The following SLC35D2 variants were observed in gnomAD, a reference collection of about 807,000 sequenced individuals.
SLC35D2 encodes the protein solute carrier family 35 member D2.
In SLC35D2, 43 loss-of-function variants were observed where a neutral mutation model predicts 41.8. The ratio of observed to expected loss-of-function variants is 1.03; its 90% CI spans 0.81 to 1.33. The LOEUF is 1.33. Ranked by LOEUF, SLC35D2 falls within the 40% of genes most tolerant of loss-of-function variation. SLC35D2 has a pLI of 0.00. For missense variants in SLC35D2, 380 were observed against 408.4 expected, an observed-to-expected ratio of 0.93 and a Z score of 0.60; for synonymous variants, 150 against 163.9, an observed-to-expected ratio of 0.92 and a Z score of 0.65.
intron 1 of SLC35D2, among the ~76,000 whole-genome samples, chr9:96,376,812 G>A (rs958786821): frequency 6.6e-6 from 1 of 151,430 alleles, no homozygotes; most frequent in African/African-American, 2.4e-5. Context: ...CACCATGTTG[G>A]CTGACCAGGA....
intron 8 of SLC35D2, among the ~76,000 whole-genome samples, chr9:96,340,845 G>A (rs1408266961): frequency 3.9e-5 from 6 of 152,142 alleles, no homozygotes; most frequent in East Asian, 1.9e-4. Flanking sequence ...CGGCTCGAAG[G>A]TACTTACAGA....
rs1399817879 is a variant in SLC35D2 at position 96,321,338 on chromosome 9, C to T, written c.918G>A (p.Met306Ile). ...AAAAGGAATATCTCAAGCCCCCTGC[C>T]ATGCTGAAAGGAGAAAAAAAAGTGA... ...LLNFVGLNIC[M>I]AGGLRYSFLT... The change falls in exon 12 of 12, where the codon ATG becomes ATA. Residue 306 changes from methionine (M) to isoleucine (I), a missense_variant. By Grantham distance (10) the Met-to-Ile change is conservative. Transcript: ENST00000253270. 9.9e-6 allele frequency: 16 copies of T among 1,612,158 alleles called. No homozygotes were observed. Among genetic ancestry groups the T allele is most frequent in the Non-Finnish European group, 1.3e-5 (15 of 1,178,808 alleles).
chr9:96,366,011 AC>A (rs1830458325), intron 2 of SLC35D2, among the ~76,000 whole-genome samples: 1 of 152,230 alleles, frequency 6.6e-6, no homozygotes, highest in Non-Finnish European at 1.5e-5. Context: ...TTAAAGAAAT[AC>A]AATAACATTG....
intron 1 of SLC35D2, among the ~76,000 whole-genome samples, chr9:96,380,666 G>A (rs1020432611): frequency 1.1e-4 from 16 of 151,692 alleles, no homozygotes; most frequent in African/African-American, 3.1e-4. Context: ...GTAGAGACAG[G>A]GTTTCACCAT....
chr9:96,354,588 G>A (rs1357021284), intron 4 of SLC35D2, among the ~76,000 whole-genome samples: 5 of 151,972 alleles, frequency 3.3e-5, no homozygotes, highest in Non-Finnish European at 7.4e-5. Context: ...CCAACATGGT[G>A]AAACCCCACT....
At chr9:96,326,531 T>A (rs1828535693) in intron 9 of SLC35D2, among the ~76,000 whole-genome samples, 1 of 152,134 alleles carries the variant, frequency 6.6e-6, no homozygotes. Flanking sequence ...CGGCCAGGTG[T>A]GGTGGCTCAC....
intron 8 of SLC35D2, among the ~76,000 whole-genome samples, chr9:96,337,211 C>CT (rs916927392): frequency 4.0e-5 from 6 of 151,840 alleles, no homozygotes; most frequent in Non-Finnish European, 5.9e-5. Flanking sequence ...TTAATTATCT[C>CT]TTTTTTTTCT....
chr9:96,347,672 G>A (rs779983851), intron 6 of SLC35D2, among the ~76,000 whole-genome samples: 3 of 152,074 alleles, frequency 2.0e-5, no homozygotes, highest in South Asian at 4.1e-4. Flanking sequence ...GTGTGAACCC[G>A]AGCAACTCCA....
chr9:96,361,526 A>AT (rs1000564632), intron 3 of SLC35D2, among the ~76,000 whole-genome samples: 3 of 152,094 alleles, frequency 2.0e-5, no homozygotes, highest in African/African-American at 7.2e-5. Context: ...CTCTACAAAA[A>AT]TTTTTTAAAT....
Position 96,351,123 on chromosome 9 carries a change from G to A in SLC35D2, c.468C>T (p.Leu156=), listed in dbSNP as rs143961970. Residue 156 remains leucine, a synonymous_variant, in exon 6 of 12, where the codon CTC becomes CTT. Transcript: ENST00000253270. ...NIILSVFAII[L]GAFIAAGSDL... ...CTTACCCAGCTGCTATGAAAGCCCCGAGAATAATGGCAAAGACACTGAGGA... is the reference window on the plus strand; with the variant it reads ...CTTACCCAGCTGCTATGAAAGCCCCAAGAATAATGGCAAAGACACTGAGGA... 7.6e-5 allele frequency: 123 copies of A among 1,612,508 alleles called. 1 individual carries two copies. The highest frequency in any genetic ancestry group is 2.2e-4 in the East Asian group (10 of 44,864).
intron 9 of SLC35D2, among the ~76,000 whole-genome samples, chr9:96,328,231 C>A (rs1056102049): frequency 8.5e-6 from 1 of 117,242 alleles, no homozygotes; most frequent in Non-Finnish European, 1.7e-5. Context: ...TTCTTAGTAA[C>A]CTTTTTTACC....
In SLC35D2 at chr9:96,383,578, C is replaced by T. The variant is rs758609002; in HGVS notation, c.57G>A (p.Ala19=). Residue 19 remains alanine (A), a synonymous_variant, in exon 1 of 12, where the codon GCG becomes GCA. Transcript: ENST00000253270. ...AEGAGGEPGA[A]RLPSRVARLL... ...GCCGGGCCACCCGCGAGGGCAGCCG[C>T]GCCGCGCCGGGCTCCCCGCCAGCGC... The T allele has an allele frequency of 1.4e-6, 2 of 1,469,516 alleles. No homozygotes were observed. The highest frequency in any genetic ancestry group is 1.3e-5 in the South Asian group (1 of 77,732). 91.0% of individuals were successfully genotyped at this position (1,469,516 alleles called of 1,614,324 possible).
intron 9 of SLC35D2, among the ~76,000 whole-genome samples, chr9:96,329,855 A>G (rs1329517152): frequency 6.6e-6 from 1 of 152,260 alleles, no homozygotes; most frequent in East Asian, 1.9e-4. Context: ...AGCGTTCCCC[A>G]GAGGAACGGA....
intron 6 of SLC35D2, among the ~76,000 whole-genome samples, chr9:96,349,847 C>G (rs141402895): frequency 8.5e-5 from 13 of 152,146 alleles, no homozygotes; most frequent in African/African-American, 2.7e-4. Flanking sequence ...TTTTAATGAA[C>G]CTTCAGAGAG....
chr9:96,376,453 A>C (rs990928326), intron 1 of SLC35D2, among the ~76,000 whole-genome samples: 3 of 150,346 alleles, frequency 2.0e-5, no homozygotes, highest in African/African-American at 7.3e-5. Context: ...AAAAAAATAT[A>C]TAAAAATTAG....
intron 7 of SLC35D2, among the ~76,000 whole-genome samples, chr9:96,344,277 T>G (rs1045401720): frequency 2.0e-5 from 3 of 151,028 alleles, no homozygotes; most frequent in African/African-American, 7.3e-5. Flanking sequence ...TTATGTGGGG[T>G]TTTTTTTAAA....
At chr9:96,318,180 C>T (rs10120552), downstream of SLC35D2, among the ~76,000 whole-genome samples, 16,137 of 152,116 alleles carry the variant, frequency 0.11, 1,322 homozygotes, top group African/African-American at 0.22. Flanking sequence ...ACATTGAAGG[C>T]TGGGCACAGT....
intron 6 of SLC35D2, among the ~76,000 whole-genome samples, chr9:96,349,850 T>G (rs902276532): frequency 6.6e-6 from 1 of 152,120 alleles, no homozygotes; most frequent in Admixed American, 6.6e-5. Context: ...TAATGAACCT[T>G]CAGAGAGTAG....
chr9:96,318,818 TA>T (rs1828118613), downstream of SLC35D2, among the ~76,000 whole-genome samples: 1 of 152,116 alleles, frequency 6.6e-6, no homozygotes, highest in South Asian at 2.1e-4. Context: ...AAAAATAAAT[TA>T]TTTTTTAAAA....
Sources: allele counts gnomAD v4.1 joint callset (sites outside exome capture counted in the v4.1 genomes callset), GRCh38; gene constraint gnomAD v4.1.1; transcripts MANE v1.5; gene names NCBI Gene and HGNC (gene_info 2026-07-23, HGNC 2026-07-21).